PPP3CA: variants seen among roughly 807,000 people sequenced by gnomAD.
The protein encoded by PPP3CA is protein phosphatase 3 catalytic subunit alpha.
Under a neutral mutation model 66.5 loss-of-function variants are expected in PPP3CA, and 14 were observed. That is an observed-to-expected ratio of 0.21 (90% CI 0.14 to 0.33). PPP3CA has a LOEUF of 0.33. PPP3CA is among the 10% of genes least tolerant of loss of function. PPP3CA has a pLI of 1.00. For missense variants in PPP3CA, 317 were observed against 639.5 expected (o/e 0.50, Z 5.44); for synonymous variants, 232 against 226.2 (o/e 1.03, Z -0.23).
At chr4:101,150,906 T>C (rs1336929684) in intron 2 of PPP3CA, among the ~76,000 whole-genome samples, 1 of 152,208 alleles carries the variant, frequency 6.6e-6, no homozygotes, top group African/African-American at 2.4e-5. Context: ...TTAGGGGACA[T>C]AACCATACTT....
intron 1 of PPP3CA, among the ~76,000 whole-genome samples, chr4:101,319,885 T>C (rs891788057): frequency 6.6e-6 from 1 of 152,194 alleles, no homozygotes; most frequent in Non-Finnish European, 1.5e-5. Context: ...CATATATTAT[T>C]AAGCAGACTA....
chr4:101,342,519 C>T (rs1729849466), intron 1 of PPP3CA, among the ~76,000 whole-genome samples: 1 of 152,140 alleles, frequency 6.6e-6, no homozygotes, highest in Admixed American at 6.5e-5. Context: ...AATTTGTTCT[C>T]TTGGTATATT....
In PPP3CA at chr4:101,073,804, C is replaced by T. The variant is rs530299235; in HGVS notation, c.955+6728G>A. 3.0e-3 allele frequency among the ~76,000 whole-genome samples: 455 copies of T among 152,178 alleles called. 2 individuals carry two copies. The highest frequency in any genetic ancestry group is 4.8e-3 in the Non-Finnish European group (325 of 68,004). ...GTTGGGGGGATGTCTTATTGTTTTA[C>T]TTTAGTCAAAAAACAAAAATAAAAA... On this transcript the variant is annotated intron_variant, in intron 8 of 13. Transcript: ENST00000394854.
In PPP3CA at chr4:101,346,727, C is replaced by T. The variant is rs778448611; in HGVS notation, c.58+12G>A. The stretch of plus-strand genomic sequence containing the variant: ...ACACGGTGCACCCAGGCCACCGCGG[C>T]GCTCCGCTTACCTTTCACCACCCTG... On this transcript the variant is annotated intron_variant, in intron 1 of 13. Transcript: ENST00000394854. 1.2e-6 allele frequency: 2 copies of T among 1,609,034 alleles called. No homozygotes were observed. Among genetic ancestry groups the T allele is most frequent in the Non-Finnish European group, 1.7e-6 (2 of 1,178,108 alleles).
At chr4:101,287,091 T>C (rs1012957333) in intron 1 of PPP3CA, among the ~76,000 whole-genome samples, 2 of 152,078 alleles carry the variant, frequency 1.3e-5, no homozygotes, top group African/African-American at 4.8e-5. Context: ...AATAGTAATG[T>C]GAGGCTATGT....
At chr4:101,122,692 T>C (rs1722068030) in intron 2 of PPP3CA, among the ~76,000 whole-genome samples, 1 of 151,994 alleles carries the variant, frequency 6.6e-6, no homozygotes, top group East Asian at 1.9e-4. Context: ...AAAAACTGGA[T>C]TGAACAGAGA....
intron 2 of PPP3CA, among the ~76,000 whole-genome samples, chr4:101,194,053 G>T (rs1177228351): frequency 6.6e-6 from 1 of 152,120 alleles, no homozygotes; most frequent in Non-Finnish European, 1.5e-5. Flanking sequence ...TTCCACAAAA[G>T]AAGTTATCGG....
intron 8 of PPP3CA, among the ~76,000 whole-genome samples, chr4:101,069,573 TGAC>T (rs1358271196): frequency 2.0e-5 from 3 of 152,198 alleles, no homozygotes; most frequent in Non-Finnish European, 4.4e-5. Context: ...GGTAATCTTA[TGAC>T]TATGTGCATG....
chr4:101,171,712 CATTAATTTACTA>C (rs1194008749), intron 2 of PPP3CA, among the ~76,000 whole-genome samples: 1 of 152,096 alleles, frequency 6.6e-6, no homozygotes, highest in Admixed American at 6.6e-5. Flanking sequence ...TCTCACCATT[CATTAATTTACTA>C]ATTAATTTAC....
chr4:101,131,274 A>G (rs1012019329), intron 2 of PPP3CA, among the ~76,000 whole-genome samples: 8 of 144,608 alleles, frequency 5.5e-5, no homozygotes, highest in African/African-American at 2.0e-4. Flanking sequence ...ATAAATAAAT[A>G]AATAAAATAA....
intron 1 of PPP3CA, among the ~76,000 whole-genome samples, chr4:101,215,088 A>C (rs1319466923): frequency 6.6e-6 from 1 of 152,012 alleles, no homozygotes; most frequent in East Asian, 1.9e-4. Flanking sequence ...TGTCTGGTAT[A>C]TATTCTCTGA....
chr4:101,196,250 A>G (rs1724788156), intron 1 of PPP3CA, 134 bp from the exon 2 acceptor site: 1 of 775,690 alleles, frequency 1.3e-6, no homozygotes, highest in Admixed American at 3.0e-5. Flanking sequence ...TTAAAATATG[A>G]TCAAGGGCTA....
At chr4:101,321,152 G>A (rs992896646) in intron 1 of PPP3CA, among the ~76,000 whole-genome samples, 14 of 152,088 alleles carry the variant, frequency 9.2e-5, no homozygotes, top group Admixed American at 2.6e-4. Context: ...CTGTGAGATC[G>A]AAAACTGTGA....
intron 1 of PPP3CA, among the ~76,000 whole-genome samples, chr4:101,212,296 A>G (rs1459998471): frequency 1.3e-5 from 2 of 152,116 alleles, no homozygotes; most frequent in Non-Finnish European, 2.9e-5. Context: ...CAACAGTGAG[A>G]CCATGTCCTT....
chr4:101,124,997 A>T (rs563478033), intron 2 of PPP3CA, among the ~76,000 whole-genome samples: 36 of 152,338 alleles, frequency 2.4e-4, no homozygotes, highest in African/African-American at 8.4e-4. Flanking sequence ...CACTGTTTGT[A>T]AATATAATGT....
At position 101,023,702 on chromosome 4, in the gene PPP3CA, GA is replaced by G. The variant is rs2110198877; in HGVS notation, c.*2162del. 6.5e-6 allele frequency: 1 copy of G among 152,684 alleles called. No homozygotes were observed. The highest frequency in any genetic ancestry group is 1.5e-5 in the Non-Finnish European group (1 of 68,022). The allele number at this position is 152,684 out of a possible 1,614,324, so 9.5% of individuals were successfully genotyped here. A position where few individuals can be genotyped will look rare whatever the true frequency, so the allele number is the denominator to read the frequency against. ...TCTGAATTCATTAAAATAACCTTGG[GA>G]TAGTCTTTGCCAGACTGTATCGAGA... On this transcript the variant is annotated 3_prime_UTR_variant, in exon 14 of 14. Transcript: ENST00000394854.
chr4:101,058,401 GA>G (rs1172817673), intron 10 of PPP3CA, among the ~76,000 whole-genome samples: 4 of 152,184 alleles, frequency 2.6e-5, no homozygotes, highest in African/African-American at 4.8e-5. Flanking sequence ...TGACAAAAGT[GA>G]GAGATAAAGC....
chr4:101,227,043 A>G (rs1003287265), intron 1 of PPP3CA, among the ~76,000 whole-genome samples: 3 of 151,730 alleles, frequency 2.0e-5, no homozygotes, highest in African/African-American at 7.2e-5. Context: ...AATAAAACAA[A>G]TGTGGCTCTA....
intron 1 of PPP3CA, among the ~76,000 whole-genome samples, chr4:101,316,354 G>T (rs149489072): frequency 5.4e-5 from 8 of 149,386 alleles, no homozygotes; most frequent in African/African-American, 2.0e-4. Context: ...TATTTCTTAG[G>T]GAGGCTATAA....
Sources: gnomAD v4.1 joint callset for allele counts (sites outside exome capture counted in the v4.1 genomes callset) on GRCh38, gnomAD v4.1.1 for gene constraint, MANE v1.5 for transcripts, NCBI Gene and HGNC (gene_info 2026-07-23, HGNC 2026-07-21) for gene names.